Variants in MID1 observed in about 807,000 individuals in gnomAD.
MID1 encodes the protein midline 1.
A neutral mutation model predicts 40.4 loss-of-function variants in MID1; 7 were observed. The ratio of observed to expected loss-of-function variants is 0.17; its 90% CI spans 0.10 to 0.33. The LOEUF (loss-of-function observed/expected upper bound fraction) is 0.33, where lower values mean the gene tolerates loss of function less well. Ranked by LOEUF, MID1 falls within the 10% of genes least tolerant of loss-of-function variation. The pLI is 1.00. For missense variants in MID1, 367 were observed against 558.5 expected (o/e 0.66, Z 3.46); for synonymous variants, 229 against 221.2 (o/e 1.04, Z -0.31).
At chrX:10,687,924 C>T (rs964001197) in intron 1 of MID1, among the ~76,000 whole-genome samples, 1 of 110,970 alleles carries the variant, frequency 9.0e-6, no homozygotes, top group African/African-American at 3.3e-5. Context: ...CCTTATGTTG[C>T]CCATGCTGGT....
chrX:10,758,483 C>CTTTTTTTTTTTTTTT (rs1157401550), intron 1 of MID1, among the ~76,000 whole-genome samples: 9 of 63,872 alleles, frequency 1.4e-4, no homozygotes, highest in East Asian at 5.0e-4. Flanking sequence ...CTTTTCTTTC[C>CTTTTTTTTTTTTTTT]TTTTTTTTTT....
chrX:10,556,057 T>C (rs911318116), intron 2 of MID1, among the ~76,000 whole-genome samples: 1 of 108,326 alleles, frequency 9.2e-6, no homozygotes, highest in African/African-American at 3.4e-5. Context: ...CAGGGCCAAC[T>C]TGCTTCATCA....
intron 1 of MID1, among the ~76,000 whole-genome samples, chrX:10,738,746 T>C (rs1055279628): frequency 1.8e-5 from 2 of 110,814 alleles, no homozygotes; most frequent in African/African-American, 6.6e-5. Context: ...ATACTACAGT[T>C]ATTTGTTTAC....
At chrX:10,581,086 T>C (rs1935006642) in intron 1 of MID1, among the ~76,000 whole-genome samples, 1 of 109,994 alleles carries the variant, frequency 9.1e-6, no homozygotes, top group Non-Finnish European at 1.9e-5. Context: ...TCATCTCTAC[T>C]AAAAATAGAA....
At chrX:10,693,195 T>A (rs1333125454) in intron 1 of MID1, among the ~76,000 whole-genome samples, 5 of 92,416 alleles carry the variant, frequency 5.4e-5, no homozygotes, top group African/African-American at 2.3e-4. Context: ...TGTTTTAACT[T>A]TTTTTTTTTT....
chrX:10,542,179 T>G (rs1294388857), intron 2 of MID1, among the ~76,000 whole-genome samples: 1 of 112,518 alleles, frequency 8.9e-6, no homozygotes, highest in Non-Finnish European at 1.9e-5. Flanking sequence ...CTCAACTCTA[T>G]ACATCACAAG....
At chrX:10,449,820 T>C (rs1602233872) in intron 9 of MID1, 104 bp from the exon 10 acceptor site, 1 of 624,157 alleles carries the variant, frequency 1.6e-6, no homozygotes, top group East Asian at 3.5e-5. Context: ...GATCATTTGT[T>C]GTCCCTGTTC....
chrX:10,815,255 C>T (rs2044128505), intron 1 of MID1, among the ~76,000 whole-genome samples: 1 of 111,907 alleles, frequency 8.9e-6, no homozygotes, highest in Non-Finnish European at 1.9e-5. Flanking sequence ...AGCAACTCTA[C>T]ACTAGAGAAC....
intron 5 of MID1, among the ~76,000 whole-genome samples, chrX:10,479,364 G>GT (rs916524484): frequency 1.5e-4 from 17 of 110,120 alleles, no homozygotes; most frequent in Admixed American, 5.8e-4. Flanking sequence ...ACATTTTTAA[G>GT]TTTTTTTTTA....
In MID1 at chrX:10,712,167, A is replaced by T. The variant is rs113101797; in HGVS notation, c.-186-91748T>A. Among the ~76,000 whole-genome samples, 841 of 111,419 alleles carry T rather than the reference A, an allele frequency of 7.5e-3. 6 individuals carry two copies. The highest frequency in any genetic ancestry group is 0.017 in the Admixed American group (175 of 10,465). On this transcript the variant is annotated intron_variant, in intron 1 of 10. Coordinates refer to the MID1 transcript ENST00000380785. ...GAAGGAGAGGGTCCCCTTTACCCCCAGGAATGTCAGGTGACCATCAGGTGA... is the reference window on the plus strand; with the variant it reads ...GAAGGAGAGGGTCCCCTTTACCCCCTGGAATGTCAGGTGACCATCAGGTGA...
chrX:10,720,424 G>T (rs2043342520), intron 1 of MID1, among the ~76,000 whole-genome samples: 1 of 112,371 alleles, frequency 8.9e-6, no homozygotes, highest in Non-Finnish European at 1.9e-5. Flanking sequence ...AGACATTTAT[G>T]CAGCCAAAAG....
chrX:10,525,491 C>T (rs1932813151), intron 2 of MID1, among the ~76,000 whole-genome samples: 1 of 112,305 alleles, frequency 8.9e-6, no homozygotes, highest in Non-Finnish European at 1.9e-5. Context: ...CTGTATTTCC[C>T]TGTGCTTGTT....
chrX:10,739,039 A>C (rs769161371), intron 1 of MID1, among the ~76,000 whole-genome samples: 1 of 111,354 alleles, frequency 9.0e-6, no homozygotes, highest in Non-Finnish European at 1.9e-5. Context: ...TTTTGCTTTC[A>C]TACTAGCACC....
At chrX:10,683,547 AAAAAAG>A (rs1225329626) in intron 1 of MID1, among the ~76,000 whole-genome samples, 1 of 110,268 alleles carries the variant, frequency 9.1e-6, no homozygotes, top group Non-Finnish European at 1.9e-5. Context: ...GATTAAAAAG[AAAAAAG>A]AAAAAGAAAA....
chrX:10,547,390 T>C (rs1264572216), intron 2 of MID1, among the ~76,000 whole-genome samples: 1 of 108,231 alleles, frequency 9.2e-6, no homozygotes. Flanking sequence ...CTGACCAACA[T>C]GGAGAAACCC....
chrX:10,644,205 C>G (rs1350887832), intron 1 of MID1, among the ~76,000 whole-genome samples: 3 of 111,277 alleles, frequency 2.7e-5, no homozygotes, highest in East Asian at 2.8e-4. Context: ...TTGTTATGTA[C>G]CAGGCACTTA....
intron 1 of MID1, among the ~76,000 whole-genome samples, chrX:10,581,046 C>G (rs917665154): frequency 9.2e-6 from 1 of 109,254 alleles, no homozygotes; most frequent in East Asian, 2.9e-4. Context: ...GTCAGGAGTT[C>G]GAGACCAGCC....
intron 1 of MID1, among the ~76,000 whole-genome samples, chrX:10,619,479 TA>T (rs1437459373): frequency 8.9e-5 from 10 of 112,890 alleles, no homozygotes; most frequent in Non-Finnish European, 1.9e-4. Context: ...AATATTGACA[TA>T]AAATTCTTCC....
intron 2 of MID1, among the ~76,000 whole-genome samples, chrX:10,537,499 A>G (rs1304450404): frequency 1.8e-5 from 2 of 112,521 alleles, no homozygotes; most frequent in Non-Finnish European, 3.8e-5. Context: ...CAGCTTAATA[A>G]TTAAATGGTG....
Sources: allele counts gnomAD v4.1 joint callset (sites outside exome capture counted in the v4.1 genomes callset), GRCh38; gene constraint gnomAD v4.1.1; transcripts MANE v1.5; gene names NCBI Gene and HGNC (gene_info 2026-07-23, HGNC 2026-07-21).